Variants in DCLK1 observed in about 807,000 individuals in gnomAD.
DCLK1 encodes serine/threonine-protein kinase DCLK1.
A neutral mutation model predicts 86.2 loss-of-function variants in DCLK1; 16 were observed. The observed-to-expected ratio is 0.19, with a 90% CI of 0.13 to 0.28. The LOEUF is 0.28. DCLK1 is among the 10% of genes least tolerant of loss of function. The pLI, the probability that DCLK1 is intolerant of heterozygous loss-of-function variation, is 1.00. For missense variants in DCLK1, 590 were observed against 940.2 expected, an observed-to-expected ratio of 0.63 and a Z score of 4.87; for synonymous variants, 369 against 370.5, an observed-to-expected ratio of 1.00 and a Z score of 0.05.
At chr13:35,890,937 T>C (rs1319367587) in intron 4 of DCLK1, among the ~76,000 whole-genome samples, 1 of 151,910 alleles carries the variant, frequency 6.6e-6, no homozygotes, top group African/African-American at 2.4e-5. Flanking sequence ...TTATGAAATG[T>C]AGTCTTTTGT....
At chr13:35,781,717 T>C (rs2086528952) in intron 16 of DCLK1, among the ~76,000 whole-genome samples, 1 of 152,220 alleles carries the variant, frequency 6.6e-6, no homozygotes, top group African/African-American at 2.4e-5. Flanking sequence ...GCATTTTGCC[T>C]TTTAGCCCAT....
rs1426817416 is a variant in DCLK1, at chr13:36,067,344, C to T, written c.723+44525G>A. ...ACCACCACATGTTCTCACTCATAGGCGGGAACTGAACAATGAGAACACATG... is the reference window on the plus strand; with the variant it reads ...ACCACCACATGTTCTCACTCATAGGTGGGAACTGAACAATGAGAACACATG... On this transcript the variant is annotated intron_variant, in intron 3 of 16. Coordinates refer to ENST00000360631, the MANE Select transcript of DCLK1 (RefSeq NM_001330071.2). Among the ~76,000 whole-genome samples, 120 of 145,226 alleles carry T rather than the reference C, an allele frequency of 8.3e-4. 1 individual carries two copies. The highest frequency in any genetic ancestry group is 3.5e-3 in the East Asian group (17 of 4,790).
rs573845184 is a variant in DCLK1, at chr13:36,046,148, T to C, written c.723+65721A>G. ...TAGGATGAACCTTTACTTTCTTTTCTAATAAGAATTTCTCTCCTTGCTTAA... is the reference window on the plus strand; with the variant it reads ...TAGGATGAACCTTTACTTTCTTTTCCAATAAGAATTTCTCTCCTTGCTTAA... On this transcript the variant is annotated intron_variant, in intron 3 of 16. Coordinates refer to ENST00000360631, the MANE Select transcript of DCLK1 (RefSeq NM_001330071.2). Among the ~76,000 whole-genome samples the C allele has an allele frequency of 7.9e-5, 12 of 152,346 alleles. No individual in the cohort carries two copies. In the South Asian group the frequency reaches 1.9e-3, roughly 24 times the overall value.
intron 4 of DCLK1, among the ~76,000 whole-genome samples, chr13:35,902,807 T>A (rs1481870625): frequency 6.6e-6 from 1 of 152,266 alleles, no homozygotes; most frequent in East Asian, 1.9e-4. Flanking sequence ...GTGACAACTG[T>A]GGATCCTAAA....
rs545478734 is a variant in DCLK1, at chr13:35,832,422, G to A, written c.1229+3611C>T. On this transcript the variant is annotated intron_variant, in intron 8 of 16. Transcript: ENST00000360631. ...TTTAGAAAAAGAGTATATGGAGAAG[G>A]AAAAGCAGCTCCCAAGCATTCCTCT... Among the ~76,000 whole-genome samples, 30 of 152,292 alleles carry A rather than the reference G, an allele frequency of 2.0e-4. 1 individual carries two copies. The South Asian group carries it at 6.0e-3, about 30-fold the overall frequency.
rs192658992 is a variant in DCLK1, at chr13:36,029,456, A to G, written c.724-81999T>C. Among the ~76,000 whole-genome samples, 252 of 152,330 alleles carry G rather than the reference A, an allele frequency of 1.7e-3. 1 individual carries two copies. The highest frequency in any genetic ancestry group is 2.0e-3 in the Non-Finnish European group (135 of 68,022). ...CAGTGAACCAGACAATATTTGCTGAATGAATACACGTATCTCATAACGTTC... is the reference window on the plus strand; with the variant it reads ...CAGTGAACCAGACAATATTTGCTGAGTGAATACACGTATCTCATAACGTTC... On this transcript the variant is annotated intron_variant, in intron 3 of 16. Transcript: ENST00000360631.
intron 16 of DCLK1, among the ~76,000 whole-genome samples, chr13:35,785,032 A>G (rs2086595418): frequency 6.6e-6 from 1 of 152,198 alleles, no homozygotes. Context: ...ACGGTGCTTG[A>G]ATCCAATATG....
chr13:35,793,310 G>T, intron 16 of DCLK1, 56 bp downstream of exon 16: 1 of 1,385,994 alleles, frequency 7.2e-7, no homozygotes. Context: ...AGTAATGCCT[G>T]TCTCTTAGGT....
intron 3 of DCLK1, among the ~76,000 whole-genome samples, chr13:36,004,644 T>C (rs1027990088): frequency 2.0e-5 from 3 of 152,176 alleles, no homozygotes; most frequent in African/African-American, 7.2e-5. Flanking sequence ...CAGGCTGGAG[T>C]GCAGTGGTGC....
intron 5 of DCLK1, among the ~76,000 whole-genome samples, chr13:35,870,334 CT>C (rs992900253): frequency 7.9e-5 from 12 of 152,138 alleles, no homozygotes; most frequent in African/African-American, 2.7e-4. Flanking sequence ...TAGCTGGCCC[CT>C]GACCTATAAT....
chr13:35,779,619 A>G (rs544737837), intron 16 of DCLK1, among the ~76,000 whole-genome samples: 3 of 152,326 alleles, frequency 2.0e-5, no homozygotes, highest in South Asian at 4.1e-4. Flanking sequence ...AACACAAAAA[A>G]GAAGTAAAAA....
At position 35,793,409 on chromosome 13, in the gene DCLK1, C is replaced by G. The variant is rs747122620; in HGVS notation, c.2015G>C (p.Gly672Ala). The G allele has an allele frequency of 2.7e-5, 43 of 1,609,158 alleles. No individual in the cohort carries two copies. Among genetic ancestry groups the G allele is most frequent in the Non-Finnish European group, 5.1e-6 (6 of 1,177,516 alleles). Residue 672 changes from glycine to alanine, a missense_variant, in exon 16 of 17, where the codon GGC (glycine) becomes GCC (alanine). Transcript: ENST00000360631. ...AGKIKKHFNT[G>A]PKPNSTAAGV... Reference sequence around the variant, plus strand: ...AGCTGCTGTGCTATTCGGCTTGGGGCCTGTGTTGAAATGCTTCTTTATCTT... The same window carrying G: ...AGCTGCTGTGCTATTCGGCTTGGGGGCTGTGTTGAAATGCTTCTTTATCTT...
chr13:35,914,058 CTG>C (rs1175584779), intron 4 of DCLK1, among the ~76,000 whole-genome samples: 1 of 152,032 alleles, frequency 6.6e-6, no homozygotes, highest in Non-Finnish European at 1.5e-5. Context: ...TGGCTCATGC[CTG>C]TAGTCCCAGC....
intron 5 of DCLK1, among the ~76,000 whole-genome samples, chr13:35,864,781 T>C (rs1871669940): frequency 6.6e-6 from 1 of 151,686 alleles, no homozygotes; most frequent in Non-Finnish European, 1.5e-5. Context: ...GCCTCCCAAG[T>C]AGCTGGGACC....
At chr13:35,928,474 T>A (rs990518111) in intron 4 of DCLK1, among the ~76,000 whole-genome samples, 5 of 152,286 alleles carry the variant, frequency 3.3e-5, no homozygotes, top group African/African-American at 7.2e-5. Context: ...CTTCCTGAAG[T>A]CTTGCCCCCT....
intron 4 of DCLK1, among the ~76,000 whole-genome samples, chr13:35,912,948 G>A (rs78392956): frequency 0.073 from 11,079 of 152,224 alleles, 484 homozygotes; most frequent in South Asian, 0.14. Context: ...TCCTGCTGGC[G>A]CCCAGAGTAG....
intron 3 of DCLK1, among the ~76,000 whole-genome samples, chr13:36,034,477 TTTA>T (rs906094417): frequency 1.3e-5 from 2 of 152,190 alleles, no homozygotes; most frequent in Admixed American, 1.3e-4. Flanking sequence ...CGTGCATTCC[TTTA>T]ATGTTAAATA....
intron 3 of DCLK1, among the ~76,000 whole-genome samples, chr13:36,058,793 A>T (rs1883429650): frequency 6.6e-6 from 1 of 152,184 alleles, no homozygotes; most frequent in Non-Finnish European, 1.5e-5. Flanking sequence ...TGAATTTGGC[A>T]TCCAGGCCAA....
chr13:36,082,704 C>T (rs1884461797), intron 3 of DCLK1, among the ~76,000 whole-genome samples: 2 of 152,150 alleles, frequency 1.3e-5, no homozygotes, highest in Admixed American at 6.5e-5. Flanking sequence ...GTTTGTAAAA[C>T]TTATGAAAAT....
Sources: allele counts gnomAD v4.1 joint callset (sites outside exome capture counted in the v4.1 genomes callset), GRCh38; gene constraint gnomAD v4.1.1; transcripts MANE v1.5; gene names NCBI Gene and HGNC (gene_info 2026-07-23, HGNC 2026-07-21).